IGF2BP1: variants seen among roughly 807,000 people sequenced by gnomAD.
IGF2BP1 encodes insulin-like growth factor 2 mRNA-binding protein 1.
A neutral mutation model predicts 74.9 loss-of-function variants in IGF2BP1; 11 were observed. That is an observed-to-expected ratio of 0.15 (90% confidence interval 0.09 to 0.24). The LOEUF is 0.24. IGF2BP1 is among the 10% of genes least tolerant of loss of function. IGF2BP1 has a pLI of 1.00. For synonymous variants in IGF2BP1, 287 were observed against 281.8 expected, an observed-to-expected ratio of 1.02 and a Z score of -0.18; for missense variants, 440 against 757.4, an observed-to-expected ratio of 0.58 and a Z score of 4.92.
intron 2 of IGF2BP1, among the ~76,000 whole-genome samples, chr17:49,023,265 T>C (rs924022800): frequency 6.6e-6 from 1 of 152,224 alleles, no homozygotes. Flanking sequence ...CTGACTTACT[T>C]AGGTCAAGTT....
At chr17:48,997,331 G>A (rs2041416802), upstream of IGF2BP1, 1 of 157,808 alleles carries the variant, frequency 6.3e-6, no homozygotes, top group Non-Finnish European at 1.4e-5. This position sits in a 1 kb window ranked among gnomAD's most constrained non-coding sequence, Gnocchi z 4.8. Flanking sequence ...TCCCTGCAGG[G>A]TGGGTGGGGG....
chr17:49,024,284 C>T (rs1052702434), intron 2 of IGF2BP1, among the ~76,000 whole-genome samples: 3 of 151,786 alleles, frequency 2.0e-5, no homozygotes, highest in South Asian at 2.1e-4. Flanking sequence ...TAGTGGCATG[C>T]GCATGTGGTC....
intron 2 of IGF2BP1, chr17:49,014,719 C>G (rs1286431724): frequency 1.0e-6 from 1 of 968,556 alleles, no homozygotes; most frequent in Admixed American, 6.2e-5. Context: ...GCGGCCGCCA[C>G]TTATGGACAC....
In IGF2BP1 at chr17:49,014,328, C is replaced by G. The variant is rs1379911931; in HGVS notation, c.237-11290C>G. Among the ~76,000 whole-genome samples the G allele has an allele frequency of 4.7e-5, 7 of 148,726 alleles. No homozygotes were observed. The South Asian group carries it at 1.5e-3, about 33-fold the overall frequency. Reference sequence around the variant, plus strand: ...TGTCTCCCCCTCAGTCTCAGCCCCCCAGTCGCCGTCCCCCTCAGTGGCCCG... The same window carrying G: ...TGTCTCCCCCTCAGTCTCAGCCCCCGAGTCGCCGTCCCCCTCAGTGGCCCG... On this transcript the variant is annotated intron_variant, in intron 2 of 14. Coordinates refer to ENST00000290341, the MANE Select transcript of IGF2BP1 (RefSeq NM_006546.4).
intron 9 of IGF2BP1, among the ~76,000 whole-genome samples, chr17:49,042,752 C>T (rs1011662842): frequency 6.6e-6 from 1 of 152,080 alleles, no homozygotes; most frequent in Admixed American, 6.6e-5. Flanking sequence ...TCATAGCTTA[C>T]TGCAGCCTTG....
intron 2 of IGF2BP1, among the ~76,000 whole-genome samples, chr17:49,019,909 T>TAGATAG (rs1423265193): frequency 2.0e-4 from 4 of 20,352 alleles, no homozygotes; most frequent in African/African-American, 1.6e-3. Flanking sequence ...CTAATTTATA[T>TAGATAG]ATATATATAT....
chr17:49,040,087 A>G lies in IGF2BP1; in HGVS notation c.814A>G (p.Lys272Glu). The change falls in exon 7 of 15, where the codon AAA (lysine) becomes GAA (glutamate). Residue 272 changes from lysine to glutamate, a missense_variant. Physicochemically the swap from Lys to Glu is moderately conservative, Grantham distance 56 (BLOSUM62 1). Around this residue, in one of 5 missense-constraint regions of IGF2BP1, gnomAD observed 184 missense variants for 273.4 expected, o/e 0.67. Coordinates refer to ENST00000290341, the MANE Select transcript of IGF2BP1 (RefSeq NM_006546.4). ...TATGCATAAAGAGGCTAAGGACACC[A>G]AAACGTAAGTCTCCAGCTTTTCTTG... Reference protein sequence around the residue: ...EIMHKEAKDTKTADEVPLKIL... With the variant: ...EIMHKEAKDTETADEVPLKIL... 1 of 1,614,048 alleles carries G rather than the reference A, an allele frequency of 6.2e-7. No homozygotes were observed. Among genetic ancestry groups the G allele is most frequent in the Non-Finnish European group, 8.5e-7 (1 of 1,179,998 alleles).
chr17:49,038,550 CT>C, intron 6 of IGF2BP1, 101 bp downstream of exon 6: 1 of 1,210,584 alleles, frequency 8.3e-7, no homozygotes, highest in South Asian at 2.3e-5. Context: ...CAACATTTAC[CT>C]TTTAGGAAAT....
At chr17:49,038,540 C>A in intron 6 of IGF2BP1, 91 bp downstream of exon 6, 2 of 1,253,734 alleles carry the variant, frequency 1.6e-6, no homozygotes, top group South Asian at 2.1e-5. Flanking sequence ...CTGGAGACAT[C>A]AACATTTACC....
chr17:49,019,904 T>TTA (rs60753189), intron 2 of IGF2BP1, among the ~76,000 whole-genome samples: 1,396 of 43,622 alleles, frequency 0.032, 28 homozygotes, highest in South Asian at 0.052. Context: ...CCTGGCTAAT[T>TTA]TATATATATA....
intron 1 of IGF2BP1, 121 bp downstream of exon 1, chr17:48,998,041 G>A: frequency 7.2e-6 from 8 of 1,105,494 alleles, no homozygotes; most frequent in Non-Finnish European, 1.0e-5. Flanking sequence ...TTTGGCCTCC[G>A]TACCCACCCT....
chr17:49,046,704 C>T (rs1167712251), intron 14 of IGF2BP1, among the ~76,000 whole-genome samples: 2 of 151,236 alleles, frequency 1.3e-5, no homozygotes, highest in African/African-American at 4.9e-5. Context: ...CCCTCCCTAA[C>T]CCCTTTCTGC....
At chr17:49,014,673 TA>T (rs1376945186) in intron 2 of IGF2BP1, 2 of 648,776 alleles carry the variant, frequency 3.1e-6, no homozygotes, top group East Asian at 1.4e-4. Context: ...GGTTGGCAGC[TA>T]GGGGGAGACG....
At position 49,053,480 on chromosome 17, in the gene IGF2BP1, G is replaced by A. The variant is rs1313710368; in HGVS notation, c.*4036G>A. 1 of 152,960 alleles carries A rather than the reference G, an allele frequency of 6.5e-6. No homozygotes were observed. Among genetic ancestry groups the A allele is most frequent in the Non-Finnish European group, 1.5e-5 (1 of 68,322 alleles). The allele number at this position is 152,960 out of a possible 1,614,324, so 9.5% of individuals were successfully genotyped here. A position where few individuals can be genotyped will look rare whatever the true frequency, so the allele number is the denominator to read the frequency against. On this transcript the variant is annotated 3_prime_UTR_variant, in exon 15 of 15. Transcript: ENST00000290341. Reference sequence around the variant, plus strand: ...GGGTAGGGAGCCGAGAAATTGGTCTGTCGGCTCCTGGTTGCACTTTGGGGA... The same window carrying A: ...GGGTAGGGAGCCGAGAAATTGGTCTATCGGCTCCTGGTTGCACTTTGGGGA...
At chr17:49,042,451 A>G in intron 9 of IGF2BP1, 74 bp downstream of exon 9, 1 of 1,542,464 alleles carries the variant, frequency 6.5e-7, no homozygotes, top group East Asian at 2.3e-5. Flanking sequence ...GTGCAGGGTG[A>G]TGGACATGTG....
Position 49,032,204 on chromosome 17 carries a change from A to G in IGF2BP1, c.401+231A>G, listed in dbSNP as rs74750180. ...CAAAGGCTCAGAAACATCAAGATTG[A>G]TAGCAAAAATACATAGAAGGGAGGG... On this transcript the variant is annotated intron_variant, in intron 5 of 14. Transcript: ENST00000290341. Among the ~76,000 whole-genome samples, 53 of 152,274 alleles carry G rather than the reference A, an allele frequency of 3.5e-4. No individual in the cohort carries two copies. In the East Asian group the frequency reaches 9.3e-3, roughly 27 times the overall value.
chr17:49,026,583 C>A, intron 4 of IGF2BP1, 66 bp downstream of exon 4: 1 of 1,350,596 alleles, frequency 7.4e-7, no homozygotes, highest in Non-Finnish European at 1.1e-6. Context: ...TGCATTTGTT[C>A]TGCTTCACTT....
chr17:49,026,813 G>A (rs566104842), intron 4 of IGF2BP1, among the ~76,000 whole-genome samples: 2 of 151,920 alleles, frequency 1.3e-5, no homozygotes, highest in East Asian at 1.9e-4. Flanking sequence ...GCGCAATCTC[G>A]GCTCACTGCA....
At chr17:49,038,587 T>C in intron 6 of IGF2BP1, 138 bp downstream of exon 6, 1 of 878,882 alleles carries the variant, frequency 1.1e-6, no homozygotes. Context: ...CAGGGGTCCC[T>C]GCTTCCAATA....
Sources: gnomAD v4.1 joint callset for allele counts (sites outside exome capture counted in the v4.1 genomes callset) on GRCh38, gnomAD v4.1.1 for gene constraint, gnomAD v4.1.1 regional missense constraint, Gnocchi (gnomAD v3.1) non-coding constraint, MANE v1.5 for transcripts, NCBI Gene and HGNC (gene_info 2026-07-23, HGNC 2026-07-21) for gene names.